The following MTOR variants were observed in gnomAD, a reference collection of about 807,000 sequenced individuals.
MTOR encodes serine/threonine-protein kinase mTOR.
A neutral mutation model predicts 319.8 loss-of-function variants in MTOR; 70 were observed. The ratio of observed to expected loss-of-function variants is 0.22; its 90% CI spans 0.18 to 0.27. The LOEUF (loss-of-function observed/expected upper bound fraction) is 0.27. Among genes scored for constraint, MTOR ranks in the 10% least tolerant of loss-of-function variants. The pLI, the probability that MTOR is intolerant of heterozygous loss-of-function variation, is 1.00. For synonymous variants in MTOR, 1,183 were observed against 1,211.4 expected (o/e 0.98, Z 0.49); for missense variants, 1,890 against 3,274.4 (o/e 0.58, Z 10.32).
At chr1:11,177,162 C>T (rs1228875763) in intron 28 of MTOR, among the ~76,000 whole-genome samples, 1 of 152,044 alleles carries the variant, frequency 6.6e-6, no homozygotes, top group East Asian at 1.9e-4. Context: ...TACAAGGTTT[C>T]AAAGCTGGGG....
intron 13 of MTOR, among the ~76,000 whole-genome samples, chr1:11,237,412 G>A (rs1301660737): frequency 6.6e-6 from 1 of 152,080 alleles, no homozygotes; most frequent in Non-Finnish European, 1.5e-5. Flanking sequence ...TAGTGGAAAC[G>A]GTCTCACACT....
At position 11,208,367 on chromosome 1, in the gene MTOR, C is replaced by A. The variant is rs192655033; in HGVS notation, c.3801+945G>T. On this transcript the variant is annotated intron_variant, in intron 25 of 57. Coordinates refer to ENST00000361445, the MANE Select transcript of MTOR (RefSeq NM_004958.4). ...AAGACTCTGAAACAACAGTAATAAA[C>A]CCCCAGTGCTCCGCAAAGCTGGGCG... Among the ~76,000 whole-genome samples the A allele has an allele frequency of 1.3e-3, 196 of 152,374 alleles. 2 individuals are homozygous for A. Among genetic ancestry groups the A allele is most frequent in the South Asian group, 5.8e-3 (28 of 4,834 alleles).
intron 6 of MTOR, 87 bp downstream of exon 6, chr1:11,253,752 A>C: frequency 7.0e-7 from 1 of 1,438,246 alleles, no homozygotes; most frequent in Non-Finnish European, 9.6e-7. Context: ...ACAAAATGTC[A>C]GCTCCATGAG....
chr1:11,218,716 T>C (rs1359319775), intron 19 of MTOR, among the ~76,000 whole-genome samples: 1 of 152,152 alleles, frequency 6.6e-6, no homozygotes, highest in Non-Finnish European at 1.5e-5. Flanking sequence ...AGCACCTCAA[T>C]GCTGAGTAGA....
intron 28 of MTOR, among the ~76,000 whole-genome samples, chr1:11,197,467 G>A (rs563802907): frequency 1.3e-5 from 2 of 152,296 alleles, no homozygotes; most frequent in South Asian, 4.1e-4. Flanking sequence ...AATGCAAGCT[G>A]AGCTGACTTA....
chr1:11,244,202 G>GA (rs1648487439), intron 8 of MTOR, among the ~76,000 whole-genome samples: 1 of 149,268 alleles, frequency 6.7e-6, no homozygotes, highest in Non-Finnish European at 1.5e-5. Flanking sequence ...TGAGGCAGGA[G>GA]AATCGCTTGA....
intron 18 of MTOR, among the ~76,000 whole-genome samples, chr1:11,230,622 A>C (rs1646984405): frequency 6.6e-6 from 1 of 152,192 alleles, no homozygotes; most frequent in African/African-American, 2.4e-5. Flanking sequence ...AGAAAGAATG[A>C]GAGATAGATA....
rs970673660 is a variant in MTOR at position 11,121,116 on chromosome 1, A to T, written c.6933+130T>A. 2 of 1,256,230 alleles carry T rather than the reference A, an allele frequency of 1.6e-6. No homozygotes were observed. Among genetic ancestry groups the T allele is most frequent in the Non-Finnish European group, 2.1e-6 (2 of 934,888 alleles). The allele number at this position is 1,256,230 out of a possible 1,614,324, so 77.8% of individuals were successfully genotyped here. A position where few individuals can be genotyped will look rare whatever the true frequency, so the allele number is the denominator to read the frequency against. ...TCACCCATTTCATTTTTGTTAGAAA[A>T]GTCTGGACACGCTCTACAGCCAATC... On this transcript the variant is annotated intron_variant, in intron 49 of 57. Coordinates refer to ENST00000361445, the MANE Select transcript of MTOR (RefSeq NM_004958.4). This position sits in a 1 kb window ranked among gnomAD's most constrained non-coding sequence, Gnocchi z 4.9.
chr1:11,172,155 G>T (rs1644835170), intron 28 of MTOR, among the ~76,000 whole-genome samples: 1 of 152,188 alleles, frequency 6.6e-6, no homozygotes, highest in Non-Finnish European at 1.5e-5. Context: ...AGGGCAACAG[G>T]CTGGGCTCAC....
chr1:11,126,999 G>A lies in MTOR; in HGVS notation c.6351+11C>T. 6.2e-7 allele frequency: 1 copy of A among 1,614,034 alleles called. No homozygotes were observed. Among genetic ancestry groups the A allele is most frequent in the Non-Finnish European group, 8.5e-7 (1 of 1,179,958 alleles). On this transcript the variant is annotated intron_variant, in intron 45 of 57. Coordinates refer to ENST00000361445, the MANE Select transcript of MTOR (RefSeq NM_004958.4). Reference sequence around the variant, plus strand: ...TGACAGTTAACCCTGCCAGGAGCCTGAAGATCCTACCTGAGGCAGCTGCTT... The same window carrying A: ...TGACAGTTAACCCTGCCAGGAGCCTAAAGATCCTACCTGAGGCAGCTGCTT...
Position 11,128,437 on chromosome 1 carries a change from C to T in MTOR, c.5910+17G>A, listed in dbSNP as rs371293851. Reference sequence around the variant, plus strand: ...AACCAGTGGTTAGATGAGAAACTGCCCAGAGTCTCCACATACCTGGGGGTG... The same window carrying T: ...AACCAGTGGTTAGATGAGAAACTGCTCAGAGTCTCCACATACCTGGGGGTG... On this transcript the variant is annotated intron_variant, in intron 42 of 57. Coordinates refer to ENST00000361445, the MANE Select transcript of MTOR (RefSeq NM_004958.4). This position sits in a 1 kb window ranked among gnomAD's most constrained non-coding sequence, Gnocchi z 5.3. 3.2e-4 allele frequency: 511 copies of T among 1,612,132 alleles called. No homozygotes were observed. The highest frequency in any genetic ancestry group is 4.0e-4 in the Non-Finnish European group (468 of 1,178,490).
chr1:11,231,949 CT>C (rs1647031671), intron 16 of MTOR, among the ~76,000 whole-genome samples: 1 of 152,044 alleles, frequency 6.6e-6, no homozygotes, highest in Non-Finnish European at 1.5e-5. Flanking sequence ...CGCTCTGGAG[CT>C]CAAGCAATCT....
At chr1:11,197,282 T>C (rs145417318) in intron 28 of MTOR, among the ~76,000 whole-genome samples, 1 of 152,326 alleles carries the variant, frequency 6.6e-6, no homozygotes, top group Non-Finnish European at 1.5e-5. Flanking sequence ...GGTAGTGCTA[T>C]GAGCAACTTT....
At chr1:11,150,619 G>C (rs1571000999) in intron 30 of MTOR, among the ~76,000 whole-genome samples, 1 of 152,172 alleles carries the variant, frequency 6.6e-6, no homozygotes. Flanking sequence ...CAAAGCTATA[G>C]GGAGAACTGG....
chr1:11,193,761 G>T, intron 28 of MTOR: 1 of 1,614,124 alleles, frequency 6.2e-7, no homozygotes. Flanking sequence ...ACCCGGCTGC[G>T]TGTAGAGATG....
rs555173227 is a variant in MTOR at position 11,115,978 on chromosome 1, G to C, written c.7017-510C>G. Among the ~76,000 whole-genome samples the C allele has an allele frequency of 1.3e-5, 2 of 152,236 alleles. No homozygotes were observed. The highest frequency in any genetic ancestry group is 4.1e-4 in the South Asian group (2 of 4,828). On this transcript the variant is annotated intron_variant, in intron 50 of 57. Transcript: ENST00000361445. The surrounding 1 kb of genome is among the most constrained non-coding windows in gnomAD (Gnocchi z 4.5). ...CTGAGCCAATCCCGGCAACCACCTG[G>C]CTTTTATCAACAGATATTCTGCTAG... is the stretch of plus-strand genomic sequence containing the variant.
intron 54 of MTOR, among the ~76,000 whole-genome samples, chr1:11,112,425 CAT>C (rs1238522075): frequency 6.6e-6 from 1 of 152,170 alleles, no homozygotes; most frequent in Non-Finnish European, 1.5e-5. Flanking sequence ...AAATAAAAAA[CAT>C]ATTAGCTGCT....
intron 34 of MTOR, among the ~76,000 whole-genome samples, chr1:11,144,193 T>C (rs1456727264): frequency 1.3e-5 from 2 of 152,164 alleles, no homozygotes; most frequent in Non-Finnish European, 2.9e-5. Flanking sequence ...GAGCAGTGGT[T>C]CTTAGCTTTG....
intron 29 of MTOR, among the ~76,000 whole-genome samples, chr1:11,162,916 T>A (rs1396021112): frequency 1.3e-5 from 2 of 152,094 alleles, no homozygotes; most frequent in Non-Finnish European, 2.9e-5. Flanking sequence ...AATGACAGGA[T>A]CAAATTCACA....
Sources: allele counts gnomAD v4.1 joint callset (sites outside exome capture counted in the v4.1 genomes callset), GRCh38; gene constraint gnomAD v4.1.1; non-coding constraint Gnocchi (gnomAD v3.1); transcripts MANE v1.5; gene names NCBI Gene and HGNC (gene_info 2026-07-23, HGNC 2026-07-21).